GLIS1: variants seen among roughly 807,000 people sequenced by gnomAD.
The protein encoded by GLIS1 is zinc finger protein GLIS1.
Under a neutral mutation model 63.8 loss-of-function variants are expected in GLIS1, and 24 were observed. The ratio of observed to expected loss-of-function variants is 0.38; its 90% CI spans 0.27 to 0.53. GLIS1 has a LOEUF of 0.53. GLIS1 is among the 20% of genes least tolerant of loss of function. The probability of loss-of-function intolerance (pLI) is 0.85; values close to 1 mark genes in which losing one functional copy is unlikely to be tolerated. For synonymous variants in GLIS1, 450 were observed against 482.5 expected, an observed-to-expected ratio of 0.93 and a Z score of 0.88; for missense variants, 1,036 against 1,074.1, an observed-to-expected ratio of 0.96 and a Z score of 0.50.
rs1044456008 is a variant in GLIS1 at position 53,713,630 on chromosome 1, C to T, written c.259+24176G>A. On this transcript the variant is annotated intron_variant, in intron 2 of 10. Coordinates refer to ENST00000628545, the MANE Select transcript of GLIS1 (RefSeq NM_001367484.1). ...AAAAATAACTAGCTGGACTTACTGG[C>T]GCACACCTATACTCCCAGCTACTCA... 2.9e-4 allele frequency among the ~76,000 whole-genome samples: 44 copies of T among 152,300 alleles called. 1 individual carries two copies. Among genetic ancestry groups the T allele is most frequent in the African/African-American group, 9.6e-4 (40 of 41,558 alleles).
intron 2 of GLIS1, among the ~76,000 whole-genome samples, chr1:53,648,049 C>T (rs1295192182): frequency 6.6e-6 from 1 of 151,918 alleles, no homozygotes; most frequent in Non-Finnish European, 1.5e-5. Context: ...GTATGTGCAC[C>T]TGTGGTCCCA....
intron 2 of GLIS1, among the ~76,000 whole-genome samples, chr1:53,650,957 G>T (rs1645900772): frequency 6.6e-6 from 1 of 152,164 alleles, no homozygotes; most frequent in Non-Finnish European, 1.5e-5. Context: ...TGGGCCAAAT[G>T]AGTTAACAAT....
Position 53,506,366 on chromosome 1 carries a change from C to T in GLIS1, c.*253G>A, listed in dbSNP as rs553851885. 134 of 492,390 alleles carry T rather than the reference C, an allele frequency of 2.7e-4. 1 individual carries two copies. Among genetic ancestry groups the T allele is most frequent in the South Asian group, 2.1e-3 (52 of 24,388 alleles). 30.5% of individuals were successfully genotyped at this position (492,390 alleles called of 1,614,324 possible). On this transcript the variant is annotated 3_prime_UTR_variant, in exon 11 of 11. Transcript: ENST00000628545. Reference sequence around the variant, plus strand: ...ATTTCAAAACCACTGCGGGGAGGAACGGGAAGACAAGATCGAGGGAATGTT... The same window carrying T: ...ATTTCAAAACCACTGCGGGGAGGAATGGGAAGACAAGATCGAGGGAATGTT...
intron 2 of GLIS1, among the ~76,000 whole-genome samples, chr1:53,676,157 T>C (rs973387877): frequency 6.6e-6 from 1 of 151,908 alleles, no homozygotes; most frequent in South Asian, 2.1e-4. Flanking sequence ...GGGTTTGAGG[T>C]TTTGGTCAAA....
At chr1:53,535,812 C>T (rs1279744857) in intron 4 of GLIS1, among the ~76,000 whole-genome samples, 1 of 152,030 alleles carries the variant, frequency 6.6e-6, no homozygotes, top group Non-Finnish European at 1.5e-5. Context: ...CTCTGTGTCC[C>T]TCCCTGCTCA....
intron 4 of GLIS1, among the ~76,000 whole-genome samples, chr1:53,587,016 G>A: frequency 6.6e-6 from 1 of 152,316 alleles, no homozygotes. Flanking sequence ...CACAGAGAAA[G>A]GGGGAGCTAA....
chr1:53,738,920 G>A (rs1224440572), intron 1 of GLIS1, among the ~76,000 whole-genome samples, 185 bp downstream of exon 1: 1 of 152,144 alleles, frequency 6.6e-6, no homozygotes, highest in Non-Finnish European at 1.5e-5. Context: ...ACACGCGCGT[G>A]CGATGGGGGC....
chr1:53,512,005 T>C (rs1262219984), intron 8 of GLIS1, among the ~76,000 whole-genome samples: 1 of 152,242 alleles, frequency 6.6e-6, no homozygotes, highest in Non-Finnish European at 1.5e-5. Flanking sequence ...AATCTCTCAG[T>C]TGCAAATCCC....
At chr1:53,614,557 C>G (rs1645459097) in intron 2 of GLIS1, among the ~76,000 whole-genome samples, 1 of 152,162 alleles carries the variant, frequency 6.6e-6, no homozygotes, top group Non-Finnish European at 1.5e-5. Context: ...CAGGAAGCCA[C>G]TGGAAAGCAG....
In GLIS1 at chr1:53,670,611, A is replaced by G. The variant is rs139076488; in HGVS notation, c.259+67195T>C. 6.6e-5 allele frequency among the ~76,000 whole-genome samples: 10 copies of G among 152,350 alleles called. No individual in the cohort carries two copies. The East Asian group carries it at 1.9e-3, about 29-fold the overall frequency. On this transcript the variant is annotated intron_variant, in intron 2 of 10. Coordinates refer to ENST00000628545, the MANE Select transcript of GLIS1 (RefSeq NM_001367484.1). The stretch of plus-strand genomic sequence containing the variant: ...ATGAAATTCCAAAGGGATAAATGTT[A>G]AGTCCTGTGATAGGATTCAAATTGC...
At chr1:53,726,749 A>G (rs1230093749) in intron 2 of GLIS1, among the ~76,000 whole-genome samples, 1 of 151,830 alleles carries the variant, frequency 6.6e-6, no homozygotes, top group African/African-American at 2.4e-5. Context: ...CACTATGCCC[A>G]CCAGCCAGAC....
chr1:53,531,773 G>A (rs944468764), intron 4 of GLIS1, among the ~76,000 whole-genome samples: 4 of 152,190 alleles, frequency 2.6e-5, no homozygotes, highest in South Asian at 2.1e-4. Context: ...CTGCTTCCAC[G>A]GGCTTGATGA....
chr1:53,514,630 C>T lies in GLIS1; in HGVS notation c.1878G>A (p.Arg626=), dbSNP rs770304094. The T allele has an allele frequency of 5.0e-6, 8 of 1,613,148 alleles. No homozygotes were observed. The highest frequency in any genetic ancestry group is 6.8e-6 in the Non-Finnish European group (8 of 1,179,766). ...LSPLPMAEST[R]DGLGPGLLSP... The stretch of plus-strand genomic sequence containing the variant: ...GACTGGCCTGGTGTACATACCCATC[C>T]CGGGTGCTCTCAGCCATGGGCAGAG... The change falls in exon 8 of 11, where the codon CGG becomes CGA. Residue 626 remains arginine (R), a synonymous_variant. Transcript: ENST00000628545.
rs561723307 is a variant in GLIS1, at chr1:53,730,066, G to C, written c.259+7740C>G. Among the ~76,000 whole-genome samples, 454 of 152,248 alleles carry C rather than the reference G, an allele frequency of 3.0e-3. 1 individual carries two copies. The highest frequency in any genetic ancestry group is 4.9e-3 in the Admixed American group (75 of 15,288). On this transcript the variant is annotated intron_variant, in intron 2 of 10. Coordinates refer to ENST00000628545, the MANE Select transcript of GLIS1 (RefSeq NM_001367484.1). ...TATATTATCATTCTCTGCCTTGAGG[G>C]TTGGACTTGAGACTGCTGAAGCTAC...
intron 4 of GLIS1, among the ~76,000 whole-genome samples, chr1:53,566,810 T>A (rs910876251): frequency 2.6e-5 from 4 of 152,254 alleles, no homozygotes; most frequent in African/African-American, 9.6e-5. Flanking sequence ...TGATTCCAAG[T>A]TTCCTGAGGC....
chr1:53,657,692 G>T (rs1240148517), intron 2 of GLIS1, among the ~76,000 whole-genome samples: 2 of 152,116 alleles, frequency 1.3e-5, no homozygotes, highest in African/African-American at 4.8e-5. Context: ...TGTGTGTCTT[G>T]CCCCTCCAAC....
At position 53,509,174 on chromosome 1, in the gene GLIS1, T is replaced by C. The variant is rs372691554; in HGVS notation, c.2176A>G (p.Asn726Asp). The part of the protein sequence containing the change: ...DGLVGETHGF[N>D]PLRPNGYHSL... ...TGGTAGCCATTGGGCCGCAGGGGGT[T>C]GAAACCGTGGGTCTCCCCGACCAGT... Residue 726 changes from asparagine to aspartate, a missense_variant, in exon 10 of 11, where the codon AAC (asparagine) becomes GAC (aspartate). Physicochemically the swap from Asn to Asp is conservative, Grantham distance 23 (BLOSUM62 1). Transcript: ENST00000628545. 3.5e-5 allele frequency: 56 copies of C among 1,601,638 alleles called. No individual in the cohort carries two copies. Among genetic ancestry groups the C allele is most frequent in the Non-Finnish European group, 4.5e-5 (53 of 1,174,962 alleles).
chr1:53,658,748 T>A (rs1401098387), intron 2 of GLIS1, among the ~76,000 whole-genome samples: 1 of 151,628 alleles, frequency 6.6e-6, no homozygotes, highest in Non-Finnish European at 1.5e-5. Context: ...CACTGCTGCA[T>A]CCATGGTGCA....
intron 2 of GLIS1, among the ~76,000 whole-genome samples, chr1:53,729,198 G>A (rs1012575145): frequency 2.0e-5 from 3 of 152,186 alleles, no homozygotes; most frequent in African/African-American, 4.8e-5. Flanking sequence ...GGTTTTAAGC[G>A]AGAAGTTCTA....
Sources: allele counts gnomAD v4.1 joint callset (sites outside exome capture counted in the v4.1 genomes callset), GRCh38; gene constraint gnomAD v4.1.1; transcripts MANE v1.5; gene names NCBI Gene and HGNC (gene_info 2026-07-23, HGNC 2026-07-21).